The following KSR1 variants were observed in gnomAD, a reference collection of about 807,000 sequenced individuals.
The protein encoded by KSR1 is kinase suppressor of ras 1.
A neutral mutation model predicts 92.9 loss-of-function variants in KSR1; 35 were observed. The ratio of observed to expected loss-of-function variants is 0.38; its 90% confidence interval spans 0.29 to 0.50. The LOEUF (loss-of-function observed/expected upper bound fraction) is 0.50. Ranked by LOEUF, KSR1 falls within the 20% of genes least tolerant of loss-of-function variation. KSR1 has a pLI of 0.94. For synonymous variants in KSR1, 467 were observed against 472.6 expected, an observed-to-expected ratio of 0.99 and a Z score of 0.15; for missense variants, 972 against 1,158.5, an observed-to-expected ratio of 0.84 and a Z score of 2.34.
At chr17:27,484,486 G>T (rs1158984183) in intron 1 of KSR1, among the ~76,000 whole-genome samples, 2 of 152,162 alleles carry the variant, frequency 1.3e-5, no homozygotes, top group African/African-American at 4.8e-5. Flanking sequence ...CCTGCCTCGT[G>T]CTGGGCATTA....
At chr17:27,519,795 A>G (rs2151018155) in intron 1 of KSR1, among the ~76,000 whole-genome samples, 1 of 152,378 alleles carries the variant, frequency 6.6e-6, no homozygotes, top group South Asian at 2.1e-4. Flanking sequence ...GTCTAAGACC[A>G]AAGGAAAGTC....
At chr17:27,580,316 GT>G (rs1394215996) in intron 3 of KSR1, among the ~76,000 whole-genome samples, 1 of 152,210 alleles carries the variant, frequency 6.6e-6, no homozygotes, top group Non-Finnish European at 1.5e-5. Flanking sequence ...GGAGCAAGCG[GT>G]ATGGGAGCAC....
At chr17:27,474,731 G>C (rs2068286937) in intron 1 of KSR1, among the ~76,000 whole-genome samples, 1 of 152,186 alleles carries the variant, frequency 6.6e-6, no homozygotes, top group South Asian at 2.1e-4. Flanking sequence ...GAAAATAGCA[G>C]TGAACAAAAT....
intron 1 of KSR1, among the ~76,000 whole-genome samples, chr17:27,479,638 T>C (rs2068453843): frequency 6.6e-6 from 1 of 152,186 alleles, no homozygotes; most frequent in African/African-American, 2.4e-5. Context: ...AGACAGACGC[T>C]TGGACTTCCC....
At chr17:27,510,714 G>T (rs915102197) in intron 1 of KSR1, among the ~76,000 whole-genome samples, 2 of 152,216 alleles carry the variant, frequency 1.3e-5, no homozygotes, top group Admixed American at 1.3e-4. Context: ...TTTTCCAAAT[G>T]CATGGGTTGG....
At chr17:27,586,022 G>A (rs1004866009) in intron 5 of KSR1, 10 of 310,956 alleles carry the variant, frequency 3.2e-5, no homozygotes, top group East Asian at 6.8e-5. Context: ...CTGGGAAGGC[G>A]GTGCCATCTG....
chr17:27,536,685 C>G (rs2070763448), intron 1 of KSR1, among the ~76,000 whole-genome samples: 1 of 152,174 alleles, frequency 6.6e-6, no homozygotes, highest in African/African-American at 2.4e-5. Context: ...TGGTCCTGGT[C>G]CCTGACTGAA....
intron 14 of KSR1, 82 bp from the exon 15 acceptor site, chr17:27,607,832 G>A: frequency 9.8e-7 from 1 of 1,017,644 alleles, no homozygotes; most frequent in Non-Finnish European, 1.5e-6. Context: ...GACGGGCACA[G>A]TTCTCCCCAT....
intron 1 of KSR1, among the ~76,000 whole-genome samples, chr17:27,516,422 C>G (rs543480876): frequency 1.3e-5 from 2 of 152,244 alleles, no homozygotes; most frequent in South Asian, 2.1e-4. Flanking sequence ...CCATATTTAC[C>G]TGATGAGAGA....
At chr17:27,608,156 ATCTCT>A (rs576115170) in intron 15 of KSR1, 146 bp downstream of exon 15, 6 of 621,440 alleles carry the variant, frequency 9.7e-6, no homozygotes, top group Non-Finnish European at 1.8e-5. Flanking sequence ...GTGGGACCCC[ATCTCT>A]TCCTCCCTGT....
At chr17:27,614,781 G>T (rs2074011924) in intron 18 of KSR1, among the ~76,000 whole-genome samples, 3 of 152,208 alleles carry the variant, frequency 2.0e-5, no homozygotes, top group Admixed American at 6.5e-5. Flanking sequence ...CAGGGCGTGG[G>T]GAGTGGGGAG....
At chr17:27,570,345 T>C (rs1383465558) in intron 2 of KSR1, among the ~76,000 whole-genome samples, 1 of 152,200 alleles carries the variant, frequency 6.6e-6, no homozygotes, top group South Asian at 2.1e-4. Flanking sequence ...TCTCTCAGCC[T>C]TATCTCCCAT....
At chr17:27,509,201 C>T (rs1014924099) in intron 1 of KSR1, among the ~76,000 whole-genome samples, 8 of 152,176 alleles carry the variant, frequency 5.3e-5, no homozygotes, top group Admixed American at 5.2e-4. Flanking sequence ...CTTTTAAATA[C>T]CAAATAAATA....
Position 27,601,409 on chromosome 17 carries a change from C to T in KSR1, c.1510+8C>T, listed in dbSNP as rs1469755456. On this transcript the variant is annotated splice_region_variant and intron_variant, in intron 11 of 20. Coordinates refer to ENST00000644974, the MANE Select transcript of KSR1 (RefSeq NM_001394583.1). Reference sequence around the variant, plus strand: ...AGCAGTTTATCTTTCCAGGTGAGTCCTTTGCATGGTTCCATTAACTGCCCT... The same window carrying T: ...AGCAGTTTATCTTTCCAGGTGAGTCTTTTGCATGGTTCCATTAACTGCCCT... The T allele has an allele frequency of 2.5e-6, 4 of 1,612,354 alleles. No homozygotes were observed. Among genetic ancestry groups the T allele is most frequent in the East Asian group, 2.2e-5 (1 of 44,870 alleles).
At chr17:27,495,620 G>A (rs547207187) in intron 1 of KSR1, among the ~76,000 whole-genome samples, 65 of 152,314 alleles carry the variant, frequency 4.3e-4, no homozygotes, top group African/African-American at 1.5e-3. Flanking sequence ...ATGTTGTCCA[G>A]TAAGGCTGTC....
intron 1 of KSR1, among the ~76,000 whole-genome samples, chr17:27,549,536 C>T (rs1034784148): frequency 6.6e-6 from 1 of 152,250 alleles, no homozygotes; most frequent in Non-Finnish European, 1.5e-5. Flanking sequence ...CCAAGTCAGG[C>T]TGTCCTTGTG....
At chr17:27,484,484 G>A (rs1025035383) in intron 1 of KSR1, among the ~76,000 whole-genome samples, 13 of 152,296 alleles carry the variant, frequency 8.5e-5, no homozygotes, top group Non-Finnish European at 1.5e-4. Flanking sequence ...TGCCTGCCTC[G>A]TGCTGGGCAT....
intron 9 of KSR1, among the ~76,000 whole-genome samples, 185 bp downstream of exon 9, chr17:27,592,811 G>A (rs187307419): frequency 2.6e-5 from 4 of 152,288 alleles, no homozygotes; most frequent in South Asian, 2.1e-4. Context: ...AAGTTGTGGT[G>A]GTACAGCCGT....
intron 14 of KSR1, among the ~76,000 whole-genome samples, chr17:27,606,656 G>A (rs1288058080): frequency 6.6e-6 from 1 of 152,100 alleles, no homozygotes; most frequent in Non-Finnish European, 1.5e-5. Context: ...TTCCTGTGGT[G>A]TAAATACTCT....
Sources: gnomAD v4.1 joint callset for allele counts (sites outside exome capture counted in the v4.1 genomes callset) on GRCh38, gnomAD v4.1.1 for gene constraint, MANE v1.5 for transcripts, NCBI Gene and HGNC (gene_info 2026-07-23, HGNC 2026-07-21) for gene names.